ABHD2: variants seen among roughly 807,000 people sequenced by gnomAD.
ABHD2 encodes monoacylglycerol lipase ABHD2.
A neutral mutation model predicts 48.1 loss-of-function variants in ABHD2; 20 were observed. That is an observed-to-expected ratio of 0.42 (90% confidence interval 0.29 to 0.60). The LOEUF (loss-of-function observed/expected upper bound fraction) is 0.60, where lower values mean the gene tolerates loss of function less well. Among genes scored for constraint, ABHD2 ranks in the 20% least tolerant of loss-of-function variants. The probability of loss-of-function intolerance (pLI) is 0.24; values close to 1 mark genes in which losing one functional copy is unlikely to be tolerated. For synonymous variants in ABHD2, 209 were observed against 214.2 expected, an observed-to-expected ratio of 0.98 and a Z score of 0.21; for missense variants, 405 against 550.9, an observed-to-expected ratio of 0.74 and a Z score of 2.65.
chr15:89,129,171 G>A (rs1411656921), intron 3 of ABHD2, among the ~76,000 whole-genome samples: 1 of 152,124 alleles, frequency 6.6e-6, no homozygotes, highest in Non-Finnish European at 1.5e-5. Flanking sequence ...GACCAGATGT[G>A]TAGATTCCAG....
At chr15:89,096,605 T>C (rs2049617405) in intron 1 of ABHD2, among the ~76,000 whole-genome samples, 1 of 152,198 alleles carries the variant, frequency 6.6e-6, no homozygotes, top group Non-Finnish European at 1.5e-5. Flanking sequence ...TGCTGACCAT[T>C]TGAGAAATAT....
At chr15:89,126,888 T>C (rs2050138225) in intron 3 of ABHD2, among the ~76,000 whole-genome samples, 1 of 152,334 alleles carries the variant, frequency 6.6e-6, no homozygotes, top group East Asian at 1.9e-4. Context: ...GGTCAGAATT[T>C]ATTAGATGGT....
chr15:89,185,462 G>A lies in ABHD2; in HGVS notation c.761G>A (p.Arg254Gln), dbSNP rs2051191082. ...TTCATGCAATGGGATCAGTGCCGGC[G>A]GTTCTACAACTTCCTCATGGCTGAC... ...ETFMQWDQCR[R>Q]FYNFLMADNM... Residue 254 changes from arginine (R) to glutamine (Q), a missense_variant, in exon 7 of 11, where the codon CGG becomes CAG. Arg to Gln is a conservative substitution (Grantham distance 43). Transcript: ENST00000352732. This position sits in a 1 kb window ranked among gnomAD's most constrained non-coding sequence, Gnocchi z 5.9. The A allele has an allele frequency of 3.7e-6, 6 of 1,614,092 alleles. No individual in the cohort carries two copies. The highest frequency in any genetic ancestry group is 4.2e-6 in the Non-Finnish European group (5 of 1,180,016).
At chr15:89,115,535 C>CT (rs1357402872) in intron 2 of ABHD2, among the ~76,000 whole-genome samples, 21 of 151,946 alleles carry the variant, frequency 1.4e-4, no homozygotes, top group African/African-American at 5.1e-4. Context: ...AGATTTTGAC[C>CT]TAGTGGTCAA....
chr15:89,151,530 A>G lies in ABHD2; in HGVS notation c.195-147A>G. On this transcript the variant is annotated intron_variant, in intron 3 of 10. Coordinates refer to ENST00000352732, the MANE Select transcript of ABHD2 (RefSeq NM_152924.5). This position sits in a 1 kb window ranked among gnomAD's most constrained non-coding sequence, Gnocchi z 4.7. Reference sequence around the variant, plus strand: ...GGAAAGGCGGTAAATCATGGCACGGATGTAACGTAATAAAAGCCTCATGTT... The same window carrying G: ...GGAAAGGCGGTAAATCATGGCACGGGTGTAACGTAATAAAAGCCTCATGTT... The G allele has an allele frequency of 1.3e-6, 1 of 789,804 alleles. No individual in the cohort carries two copies. Among genetic ancestry groups the G allele is most frequent in the Non-Finnish European group, 2.0e-6 (1 of 501,628 alleles). The allele number at this position is 789,804 out of a possible 1,614,324, so 48.9% of individuals were successfully genotyped here.
At chr15:89,085,958 C>T (rs1200631398), upstream of ABHD2, among the ~76,000 whole-genome samples, 3 of 152,066 alleles carry the variant, frequency 2.0e-5, no homozygotes, top group Non-Finnish European at 4.4e-5. This position sits in a 1 kb window ranked among gnomAD's most constrained non-coding sequence, Gnocchi z 4.2. Flanking sequence ...AGACAAGAAC[C>T]AGAAAACTGT....
In ABHD2 at chr15:89,174,636, G is replaced by A. The variant is rs138431548; in HGVS notation, c.539-1176G>A. 2.0e-5 allele frequency among the ~76,000 whole-genome samples: 3 copies of A among 152,322 alleles called. No homozygotes were observed. The highest frequency in any genetic ancestry group is 4.4e-5 in the Non-Finnish European group (3 of 68,018). The stretch of plus-strand genomic sequence containing the variant: ...TAAGAATGCCAAAACCTCTGAGCTG[G>A]TGCCAAAGTCAACAACTCCCGTTTC... On this transcript the variant is annotated intron_variant, in intron 5 of 10. Coordinates refer to ENST00000352732, the MANE Select transcript of ABHD2 (RefSeq NM_152924.5). The surrounding 1 kb of genome is among the most constrained non-coding windows in gnomAD (Gnocchi z 4.1).
At position 89,088,759 on chromosome 15, in the gene ABHD2, C is replaced by T. The variant is rs369457464; in HGVS notation, c.-107+196C>T. Among the ~76,000 whole-genome samples the T allele has an allele frequency of 6.6e-6, 1 of 152,198 alleles. No individual in the cohort carries two copies. The highest frequency in any genetic ancestry group is 1.5e-5 in the Non-Finnish European group (1 of 68,022). On this transcript the variant is annotated intron_variant, in intron 1 of 10. Coordinates refer to ENST00000352732, the MANE Select transcript of ABHD2 (RefSeq NM_152924.5). The surrounding 1 kb of genome is among the most constrained non-coding windows in gnomAD (Gnocchi z 6.8). ...GCCCAGTGGTGGGGACAGCCCAGATCGCGGCGGGGGATACGCCTTCCTGAG... is the reference window on the plus strand; with the variant it reads ...GCCCAGTGGTGGGGACAGCCCAGATTGCGGCGGGGGATACGCCTTCCTGAG...
At chr15:89,183,376 A>AT (rs1555433598) in intron 6 of ABHD2, 2 of 75,870 alleles carry the variant, frequency 2.6e-5, no homozygotes, top group African/African-American at 9.3e-5. Flanking sequence ...TTCAAAAAAA[A>AT]AAAAAAAAAT....
chr15:89,183,820 G>A (rs2150941724), intron 6 of ABHD2, among the ~76,000 whole-genome samples: 1 of 152,302 alleles, frequency 6.6e-6, no homozygotes, highest in Admixed American at 6.5e-5. Context: ...GGTCAGCAAA[G>A]GGAGAAATGA....
intron 2 of ABHD2, among the ~76,000 whole-genome samples, chr15:89,115,825 C>A (rs538027683): frequency 2.6e-5 from 4 of 152,252 alleles, no homozygotes; most frequent in African/African-American, 9.6e-5. Context: ...CTGGTGGCAC[C>A]AGCAGTCCTT....
chr15:89,076,234 A>T, the ABHD2 span, among the ~76,000 whole-genome samples: 5 of 152,208 alleles, frequency 3.3e-5, no homozygotes, highest in Non-Finnish European at 5.9e-5. Flanking sequence ...TCAAACAAAT[A>T]GACAAAGTAC....
At position 89,094,571 on chromosome 15, in the gene ABHD2, G is replaced by A. The variant is rs534201611; in HGVS notation, c.-107+6008G>A. Among the ~76,000 whole-genome samples, 7 of 151,970 alleles carry A rather than the reference G, an allele frequency of 4.6e-5. No individual in the cohort carries two copies. The highest frequency in any genetic ancestry group is 2.0e-4 in the Admixed American group (3 of 15,250). On this transcript the variant is annotated intron_variant, in intron 1 of 10. Transcript: ENST00000352732. The surrounding 1 kb of genome is among the most constrained non-coding windows in gnomAD (Gnocchi z 4.7). ...AAAAATACAAAAATTAGCTGAGCAT[G>A]GTGGTGTGCGCCTGTAGTCCCAGCT...
the ABHD2 span, among the ~76,000 whole-genome samples, chr15:89,068,935 A>AT: frequency 3.3e-5 from 5 of 150,094 alleles, no homozygotes; most frequent in African/African-American, 1.2e-4. Flanking sequence ...CACCCTGCTA[A>AT]TTTTTGTATT....
intron 1 of ABHD2, among the ~76,000 whole-genome samples, chr15:89,105,511 A>T (rs1567068782): frequency 6.6e-6 from 1 of 152,276 alleles, no homozygotes; most frequent in Non-Finnish European, 1.5e-5. Context: ...TTGCACAGAA[A>T]GACAATTTCA....
chr15:89,171,067 G>A (rs1297569761), intron 5 of ABHD2, among the ~76,000 whole-genome samples: 5 of 152,062 alleles, frequency 3.3e-5, no homozygotes, highest in Non-Finnish European at 5.9e-5. Context: ...AGTGAGTCAA[G>A]ATCGCACCAC....
chr15:89,083,938 A>C (rs1439872527), upstream of ABHD2, among the ~76,000 whole-genome samples: 1 of 152,176 alleles, frequency 6.6e-6, no homozygotes, highest in Non-Finnish European at 1.5e-5. This position sits in a 1 kb window ranked among gnomAD's most constrained non-coding sequence, Gnocchi z 5.1. Flanking sequence ...CCTCCTTCCT[A>C]GACTGCATGC....
In ABHD2 at chr15:89,201,845, G is replaced by GCGGGGGA. The variant is rs2051469141; in HGVS notation, c.*6425_*6431dup. The GCGGGGGA allele has an allele frequency of 4.0e-6, 4 of 1,012,008 alleles. No individual in the cohort carries two copies. The Admixed American group carries it at 5.6e-5, about 14-fold the overall frequency. The allele number at this position is 1,012,008 out of a possible 1,614,324, so 62.7% of individuals were successfully genotyped here. Reference sequence around the variant, plus strand: ...GCAGGGGGCGGCTTGCTCGCTGGGGGCGGGGGACGATGGCGAGAGGGGAGG... The same window carrying GCGGGGGA: ...GCAGGGGGCGGCTTGCTCGCTGGGGGCGGGGGACGGGGGACGATGGCGAGAGGGGAGG... On this transcript the variant is annotated 3_prime_UTR_variant, in exon 11 of 11. Transcript: ENST00000352732.
intron 1 of ABHD2, among the ~76,000 whole-genome samples, chr15:89,098,722 C>T (rs1479238030): frequency 1.3e-5 from 2 of 152,128 alleles, no homozygotes; most frequent in Non-Finnish European, 2.9e-5. Context: ...GGATATTTTT[C>T]CCAATTTAGA....
Sources: gnomAD v4.1 joint callset for allele counts (sites outside exome capture counted in the v4.1 genomes callset) on GRCh38, gnomAD v4.1.1 for gene constraint, Gnocchi (gnomAD v3.1) non-coding constraint, MANE v1.5 for transcripts, NCBI Gene and HGNC (gene_info 2026-07-23, HGNC 2026-07-21) for gene names.